YIF1B: variants seen among roughly 807,000 people sequenced by gnomAD.
YIF1B encodes protein YIF1B.
YIF1B carries 24 observed loss-of-function variants against 34.6 expected under a neutral mutation model. The ratio of observed to expected loss-of-function variants is 0.69; its 90% CI spans 0.50 to 0.98. The LOEUF (loss-of-function observed/expected upper bound fraction) is 0.98, where lower values mean the gene tolerates loss of function less well. YIF1B is among the 50% of genes least tolerant of loss of function. YIF1B has a pLI of 0.00. For synonymous variants in YIF1B, 186 were observed against 184.8 expected, an observed-to-expected ratio of 1.01 and a Z score of -0.05; for missense variants, 368 against 429.4, an observed-to-expected ratio of 0.86 and a Z score of 1.26.
upstream of YIF1B, chr19:38,319,786 C>A: frequency 1.4e-6 from 1 of 696,578 alleles, no homozygotes; most frequent in Non-Finnish European, 2.1e-6. Flanking sequence ...GGAGGCGGGG[C>A]ATTCCTCCGT....
chr19:38,318,193 CAAAAAAAAAAAAAAAA>C (rs35748833), upstream of YIF1B, among the ~76,000 whole-genome samples: 2 of 29,874 alleles, frequency 6.7e-5, no homozygotes, highest in Non-Finnish European at 1.2e-4. Context: ...ACTCTTGTCT[CAAAAAAAAAAAAAAAA>C]AAAAAAAAAA....
intron 1 of YIF1B, among the ~76,000 whole-genome samples, chr19:38,314,856 G>A (rs937844200): frequency 2.6e-5 from 4 of 151,248 alleles, no homozygotes; most frequent in African/African-American, 9.7e-5. Flanking sequence ...CAAGTGATTC[G>A]CCCACCTCGA....
chr19:38,304,334 C>T lies in YIF1B; in HGVS notation c.*1018G>A, dbSNP rs117478214. On this transcript the variant is annotated 3_prime_UTR_variant, in exon 8 of 8. Coordinates refer to ENST00000339413, the MANE Select transcript of YIF1B (RefSeq NM_001039672.3). Reference sequence around the variant, plus strand: ...GAGGTGCAGGGGGCCGGACTCAAGCCCAGAAGCTGCCTGCACCAACCACCC... The same window carrying T: ...GAGGTGCAGGGGGCCGGACTCAAGCTCAGAAGCTGCCTGCACCAACCACCC... The T allele has an allele frequency of 0.032, 52,207 of 1,611,584 alleles. 1,016 individuals are homozygous for T. The highest frequency in any genetic ancestry group is 0.038 in the Non-Finnish European group (44,681 of 1,179,362).
upstream of YIF1B, among the ~76,000 whole-genome samples, chr19:38,321,225 G>C (rs1472944541): frequency 6.6e-6 from 1 of 152,140 alleles, no homozygotes; most frequent in African/African-American, 2.4e-5. Flanking sequence ...CAAGGACCTG[G>C]CACCGCCATC....
Position 38,309,227 on chromosome 19 carries a change from G to C in YIF1B, c.399C>G (p.His133Gln). ...ACATTCCCCTGGGGGTGCTGACCTG[G>C]TGTAGGTAGGGGAAGAACAGCAGGC... Reference protein sequence around the residue: ...KLGLLFFPYLHQDWEVQYQQD... With the variant: ...KLGLLFFPYLQQDWEVQYQQD... The change falls in exon 3 of 8, where the codon CAC (histidine) becomes CAG (glutamine). Residue 133 changes from histidine to glutamine, a missense_variant. Coordinates refer to ENST00000339413, the MANE Select transcript of YIF1B (RefSeq NM_001039672.3). 1.9e-6 allele frequency: 3 copies of C among 1,613,962 alleles called. No individual in the cohort carries two copies. Among genetic ancestry groups the C allele is most frequent in the Non-Finnish European group, 2.5e-6 (3 of 1,179,938 alleles).
In YIF1B at chr19:38,303,826, G is replaced by A. The variant is rs1474712100; in HGVS notation, c.*1526C>T. Among the ~76,000 whole-genome samples the A allele has an allele frequency of 6.6e-6, 1 of 152,224 alleles. No homozygotes were observed. Among genetic ancestry groups the A allele is most frequent in the South Asian group, 2.1e-4 (1 of 4,838 alleles). On this transcript the variant is annotated 3_prime_UTR_variant, in exon 8 of 8. Transcript: ENST00000339413. ...CCCCTCAGACGCTGCTCACCAAGCC[G>A]GAGGGGCTGTGGGAGCGAGTTAGAA...
chr19:38,305,441 G>A lies in YIF1B; in HGVS notation c.856C>T (p.Arg286Trp). Residue 286 changes from arginine to tryptophan, a missense_variant, in exon 8 of 8, where the codon CGG becomes TGG. This residue lies in a region of YIF1B where 208 missense variants were observed against 247.8 expected (regional missense o/e 0.84). Coordinates refer to ENST00000339413, the MANE Select transcript of YIF1B (RefSeq NM_001039672.3). Reference protein sequence around the residue: ...AAEGVPVRGARNQLRMYLTMA... With the variant: ...AAEGVPVRGAWNQLRMYLTMA... ...GTCAGGTACATGCGCAGCTGGTTCC[G>A]GGCCCCACGCACCGGGACCCCCTCA... is the stretch of plus-strand genomic sequence containing the variant. 3 of 1,610,222 alleles carry A rather than the reference G, an allele frequency of 1.9e-6. No individual in the cohort carries two copies. Among genetic ancestry groups the A allele is most frequent in the South Asian group, 1.1e-5 (1 of 90,892 alleles).
chr19:38,317,005 G>C (rs1969573690), upstream of YIF1B: 1 of 152,214 alleles, frequency 6.6e-6, no homozygotes, highest in South Asian at 2.1e-4. Context: ...CAACAAGTTA[G>C]GTGAGAAGAA....
chr19:38,310,655 A>G (rs1274650321), intron 1 of YIF1B, among the ~76,000 whole-genome samples: 2 of 152,126 alleles, frequency 1.3e-5, no homozygotes, highest in South Asian at 2.1e-4. Context: ...GCCGCTGTCC[A>G]TATCTCCTAT....
At position 38,315,878 on chromosome 19, in the gene YIF1B, G is replaced by A. The variant is rs1969529566; in HGVS notation, c.40C>T (p.Pro14Ser). The part of the protein sequence containing the change: ...AGLAAAAAGT[P>S]RLRKWPSKRR... ...CACGTACGCCACTTACGCAGCCGGG[G>A]CGTCCCCGCAGCCGCCGCCGCCAAG... The change falls in exon 1 of 8, where the codon CCC becomes TCC. Residue 14 changes from proline (P) to serine (S), a missense_variant. Pro to Ser is a moderately conservative substitution (Grantham distance 74). Around this residue, in one of 3 missense-constraint regions of YIF1B, gnomAD observed 153 missense variants for 156.7 expected, o/e 0.98. Transcript: ENST00000339413. 1.3e-6 allele frequency: 2 copies of A among 1,491,812 alleles called. No homozygotes were observed. The highest frequency in any genetic ancestry group is 1.8e-6 in the Non-Finnish European group (2 of 1,129,870). 92.4% of individuals were successfully genotyped at this position (1,491,812 alleles called of 1,614,324 possible). A position where few individuals can be genotyped will look rare whatever the true frequency, so the allele number is the denominator to read the frequency against.
In YIF1B at chr19:38,309,212, G is replaced by C; in HGVS notation, c.402+12C>G. The C allele has an allele frequency of 6.2e-7, 1 of 1,613,416 alleles. No homozygotes were observed. The highest frequency in any genetic ancestry group is 8.5e-7 in the Non-Finnish European group (1 of 1,179,630). ...GCCCACTGCAGACCCACATTCCCCTGGGGGTGCTGACCTGGTGTAGGTAGG... is the reference window on the plus strand; with the variant it reads ...GCCCACTGCAGACCCACATTCCCCTCGGGGTGCTGACCTGGTGTAGGTAGG... On this transcript the variant is annotated intron_variant, in intron 3 of 7. Transcript: ENST00000339413.
At position 38,309,466 on chromosome 19, in the gene YIF1B, T is replaced by C. The variant is rs137916515; in HGVS notation, c.236A>G (p.Asn79Ser). Residue 79 changes from asparagine (N) to serine (S), a missense_variant, in exon 2 of 8, where the codon AAC (asparagine) becomes AGC (serine). Physicochemically the swap from Asn to Ser is conservative, Grantham distance 46 (BLOSUM62 1). This residue lies in a region of YIF1B where 153 missense variants were observed against 156.7 expected (regional missense o/e 0.98). Transcript: ENST00000339413. The stretch of plus-strand genomic sequence containing the variant: ...GCTGCTCCCATAGGCCATGGCCATG[T>C]TGGACACCGGGTCAGCCAGGAAGGC... Reference protein sequence around the residue: ...HAAFLADPVSNMAMAYGSSLA... With the variant: ...HAAFLADPVSSMAMAYGSSLA... The C allele has an allele frequency of 2.5e-6, 4 of 1,614,036 alleles. No homozygotes were observed. The highest frequency in any genetic ancestry group is 2.5e-6 in the Non-Finnish European group (3 of 1,179,980).
At chr19:38,321,321 A>G (rs900972594), upstream of YIF1B, among the ~76,000 whole-genome samples, 14 of 152,036 alleles carry the variant, frequency 9.2e-5, no homozygotes, top group African/African-American at 3.4e-4. Context: ...GGCAACTCTG[A>G]CCCCAGACAC....
chr19:38,319,548 T>G (rs1437974004), upstream of YIF1B, among the ~76,000 whole-genome samples: 6 of 152,152 alleles, frequency 3.9e-5, no homozygotes, highest in Non-Finnish European at 8.8e-5. Flanking sequence ...GTGCACAACC[T>G]TAGCTGCTGT....
At chr19:38,314,646 C>T (rs184820602) in intron 1 of YIF1B, among the ~76,000 whole-genome samples, 237 of 99,246 alleles carry the variant, frequency 2.4e-3, no homozygotes, top group African/African-American at 9.4e-3. Flanking sequence ...TTTTTTGAGG[C>T]GAAGTCTTGC....
upstream of YIF1B, among the ~76,000 whole-genome samples, chr19:38,321,487 C>T (rs1483541748): frequency 6.6e-6 from 1 of 152,230 alleles, no homozygotes; most frequent in Non-Finnish European, 1.5e-5. Context: ...GTCAAAAGGA[C>T]CCACCGTGGA....
Position 38,304,161 on chromosome 19 carries a change from A to G in YIF1B, c.*1191T>C. 2.1e-6 allele frequency: 3 copies of G among 1,449,814 alleles called. No individual in the cohort carries two copies. The highest frequency in any genetic ancestry group is 1.2e-5 in the South Asian group (1 of 83,628). 89.8% of individuals were successfully genotyped at this position (1,449,814 alleles called of 1,614,324 possible). ...GGACAGAGGTTGGGTGGGGCGTCTC[A>G]GCATTCCTCCAACGGGCAGGTCTCA... On this transcript the variant is annotated 3_prime_UTR_variant, in exon 8 of 8. Transcript: ENST00000339413.
At chr19:38,314,331 A>G (rs1320574715) in intron 1 of YIF1B, among the ~76,000 whole-genome samples, 1 of 151,518 alleles carries the variant, frequency 6.6e-6, no homozygotes, top group Non-Finnish European at 1.5e-5. Context: ...AGTAGCTGGG[A>G]CTACAGGCGC....
upstream of YIF1B, among the ~76,000 whole-genome samples, chr19:38,317,869 C>T (rs1339608314): frequency 2.0e-5 from 3 of 151,658 alleles, no homozygotes; most frequent in Admixed American, 6.6e-5. Context: ...CATGAAACAC[C>T]GCACCCAGCC....
Sources: gnomAD v4.1 joint callset for allele counts (sites outside exome capture counted in the v4.1 genomes callset) on GRCh38, gnomAD v4.1.1 for gene constraint, gnomAD v4.1.1 regional missense constraint, MANE v1.5 for transcripts, NCBI Gene and HGNC (gene_info 2026-07-23, HGNC 2026-07-21) for gene names.